The following ST7 variants were observed in gnomAD, a reference collection of about 807,000 sequenced individuals.
The protein encoded by ST7 is suppressor of tumorigenicity 7 protein.
A neutral mutation model predicts 78.7 loss-of-function variants in ST7; 28 were observed. The observed-to-expected ratio is 0.36, with a 90% CI of 0.26 to 0.49. The LOEUF (loss-of-function observed/expected upper bound fraction) is 0.49, where lower values mean the gene tolerates loss of function less well. Among genes scored for constraint, ST7 ranks in the 20% least tolerant of loss-of-function variants. ST7 has a pLI of 0.99. For missense variants in ST7, 418 were observed against 696.0 expected (o/e 0.60, Z 4.49); for synonymous variants, 247 against 249.6 (o/e 0.99, Z 0.10).
At chr7:117,049,713 C>T (rs1249953302) in intron 1 of ST7, among the ~76,000 whole-genome samples, 2 of 152,184 alleles carry the variant, frequency 1.3e-5, no homozygotes, top group Non-Finnish European at 2.9e-5. Context: ...ATGATTCTTA[C>T]TCCAGATTCA....
At chr7:116,980,749 T>C (rs1425049273) in intron 1 of ST7, among the ~76,000 whole-genome samples, 1 of 152,232 alleles carries the variant, frequency 6.6e-6, no homozygotes, top group African/African-American at 2.4e-5. Context: ...TGTGGTACTT[T>C]ATCACTTTGA....
intron 10 of ST7, among the ~76,000 whole-genome samples, chr7:117,187,977 C>T (rs1426505117): frequency 6.6e-6 from 1 of 152,076 alleles, no homozygotes; most frequent in African/African-American, 2.4e-5. Flanking sequence ...ATTGTAAGTG[C>T]ACCATTTTAT....
At chr7:117,101,056 A>G (rs1801532328) in intron 2 of ST7, among the ~76,000 whole-genome samples, 1 of 152,202 alleles carries the variant, frequency 6.6e-6, no homozygotes, top group African/African-American at 2.4e-5. Context: ...GTGAGGAGCC[A>G]GAGTAAAAAG....
chr7:117,171,099 C>T (rs988843878), intron 10 of ST7, 123 bp downstream of exon 10: 2 of 492,246 alleles, frequency 4.1e-6, no homozygotes, highest in South Asian at 4.3e-5. Context: ...ATAGAATTTT[C>T]ACCTACAGTT....
At chr7:116,994,012 TA>T (rs1794540029) in intron 1 of ST7, among the ~76,000 whole-genome samples, 5 of 152,246 alleles carry the variant, frequency 3.3e-5, no homozygotes, top group Non-Finnish European at 4.4e-5. Context: ...AAATATATCA[TA>T]TCATTTACCA....
At chr7:117,016,072 G>A (rs2115968763) in intron 1 of ST7, among the ~76,000 whole-genome samples, 1 of 152,268 alleles carries the variant, frequency 6.6e-6, no homozygotes, top group Admixed American at 6.5e-5. Flanking sequence ...AAGGACTTCT[G>A]TGGTAGATAC....
In ST7 at chr7:117,222,039, C is replaced by T. The variant is rs1289004895; in HGVS notation, c.1615C>T (p.Leu539Phe). 2 of 1,611,292 alleles carry T rather than the reference C, an allele frequency of 1.2e-6. No individual in the cohort carries two copies. The highest frequency in any genetic ancestry group is 1.3e-5 in the African/African-American group (1 of 74,672). The change falls in exon 15 of 16, where the codon CTT becomes TTT. Residue 539 changes from leucine (L) to phenylalanine (F), a missense_variant. Coordinates refer to ENST00000323984, the MANE Select transcript of ST7 (RefSeq NM_001369598.1). ...LALLTHQFPE[L>F]MGVFAKAFLS... ...CCTCCTGACACATCAGTTCCCGGAACTTATGGGGGTCTTCGCAAAAGCTGT... is the reference window on the plus strand; with the variant it reads ...CCTCCTGACACATCAGTTCCCGGAATTTATGGGGGTCTTCGCAAAAGCTGT...
At chr7:117,086,777 C>G (rs1311133373) in intron 1 of ST7, among the ~76,000 whole-genome samples, 1 of 152,092 alleles carries the variant, frequency 6.6e-6, no homozygotes, top group Non-Finnish European at 1.5e-5. Flanking sequence ...TGTGATTTAA[C>G]CGGAGTTCAC....
intron 1 of ST7, among the ~76,000 whole-genome samples, chr7:116,996,725 C>G (rs1333136538): frequency 6.6e-6 from 1 of 152,146 alleles, no homozygotes; most frequent in Non-Finnish European, 1.5e-5. Context: ...AAATGAATAA[C>G]TCCCTTTTGC....
In ST7 at chr7:116,955,863, C is replaced by T. The variant is rs570310383; in HGVS notation, c.151+2172C>T. On this transcript the variant is annotated intron_variant, in intron 1 of 15. Coordinates refer to ENST00000323984, the MANE Select transcript of ST7 (RefSeq NM_001369598.1). ...GTGTAGGGGCAGTTCTAAGAGATAG[C>T]GAAAATATGAAGATGAACGTGCCAT... Among the ~76,000 whole-genome samples, 15 of 152,190 alleles carry T rather than the reference C, an allele frequency of 9.9e-5. No individual in the cohort carries two copies. In the South Asian group the frequency reaches 2.9e-3, roughly 29 times the overall value.
At position 117,119,467 on chromosome 7, in the gene ST7, G is replaced by T. The variant is rs111796514; in HGVS notation, c.235-94G>T. The T allele has an allele frequency of 4.1e-5, 48 of 1,176,534 alleles. No homozygotes were observed. In the African/African-American group the frequency reaches 6.7e-4, roughly 16 times the overall value. 72.9% of individuals were successfully genotyped at this position (1,176,534 alleles called of 1,614,324 possible). Reference sequence around the variant, plus strand: ...GTTTTTGAAATAAAATATACTTAAGGTGGAATTAGTAAATGTAACATGTTT... The same window carrying T: ...GTTTTTGAAATAAAATATACTTAAGTTGGAATTAGTAAATGTAACATGTTT... On this transcript the variant is annotated intron_variant, in intron 2 of 15. Coordinates refer to ENST00000323984, the MANE Select transcript of ST7 (RefSeq NM_001369598.1).
chr7:117,168,719 T>C (rs10487359), intron 9 of ST7, among the ~76,000 whole-genome samples: 23,599 of 148,296 alleles, frequency 0.16, 1,682 homozygotes, highest in Non-Finnish European at 0.18. Context: ...TCGTTAGTAA[T>C]ATGATGCTCT....
intron 1 of ST7, among the ~76,000 whole-genome samples, chr7:116,980,670 A>G (rs1793919052): frequency 6.6e-6 from 1 of 152,226 alleles, no homozygotes; most frequent in Non-Finnish European, 1.5e-5. Flanking sequence ...TTATTTTAAA[A>G]TAATTTCAAA....
intron 10 of ST7, among the ~76,000 whole-genome samples, chr7:117,187,392 T>G (rs1244174548): frequency 6.6e-6 from 1 of 152,126 alleles, no homozygotes; most frequent in East Asian, 1.9e-4. Context: ...CATATACTAC[T>G]TAATAAAGGA....
At chr7:117,081,349 C>T (rs1799759595) in intron 1 of ST7, among the ~76,000 whole-genome samples, 1 of 152,084 alleles carries the variant, frequency 6.6e-6, no homozygotes, top group East Asian at 1.9e-4. Context: ...CTGAATGCTT[C>T]AATTTTAAAT....
At chr7:116,990,278 G>C (rs1264843988) in intron 1 of ST7, among the ~76,000 whole-genome samples, 1 of 152,092 alleles carries the variant, frequency 6.6e-6, no homozygotes, top group East Asian at 1.9e-4. Context: ...GTGAGTAAGT[G>C]AATGAGTAAA....
intron 1 of ST7, among the ~76,000 whole-genome samples, chr7:117,063,754 T>G (rs1409708023): frequency 6.6e-6 from 1 of 152,178 alleles, no homozygotes; most frequent in Non-Finnish European, 1.5e-5. Context: ...TTTCTTGGTT[T>G]TATATCTCTT....
At chr7:117,120,956 T>C (rs1277845379) in intron 3 of ST7, among the ~76,000 whole-genome samples, 1 of 152,188 alleles carries the variant, frequency 6.6e-6, no homozygotes, top group Non-Finnish European at 1.5e-5. Context: ...TGAGAAATGA[T>C]ATCAAGAGAT....
chr7:117,147,338 G>A (rs918133592), intron 9 of ST7, among the ~76,000 whole-genome samples: 4 of 152,082 alleles, frequency 2.6e-5, no homozygotes, highest in Admixed American at 1.3e-4. Flanking sequence ...GATTATATAC[G>A]TGCTAGATTC....
Sources: gnomAD v4.1 joint callset for allele counts (sites outside exome capture counted in the v4.1 genomes callset) on GRCh38, gnomAD v4.1.1 for gene constraint, MANE v1.5 for transcripts, NCBI Gene and HGNC (gene_info 2026-07-23, HGNC 2026-07-21) for gene names.